Variants in CAMTA1 observed in about 807,000 individuals in gnomAD.
The protein encoded by CAMTA1 is calmodulin binding transcription activator 1, also known as calmodulin-binding transcription activator 1.
In CAMTA1, 27 loss-of-function variants were observed where a neutral mutation model predicts 170.9. That is an observed-to-expected ratio of 0.16 (90% CI 0.12 to 0.22). The LOEUF is 0.22. Among genes scored for constraint, CAMTA1 ranks in the 10% least tolerant of loss-of-function variants. The pLI is 1.00. For missense variants in CAMTA1, 1,619 were observed against 2,217.2 expected (o/e 0.73, Z 5.42); for synonymous variants, 833 against 891.5 (o/e 0.93, Z 1.17).
At chr1:7,766,228 C>T (rs964169332) in intron 22 of CAMTA1, among the ~76,000 whole-genome samples, 3 of 147,862 alleles carry the variant, frequency 2.0e-5, no homozygotes, top group Non-Finnish European at 4.4e-5. Flanking sequence ...TTAGAGCGCT[C>T]GATGTAGAGC....
At chr1:7,444,607 C>T (rs1423379307) in intron 5 of CAMTA1, among the ~76,000 whole-genome samples, 1 of 152,198 alleles carries the variant, frequency 6.6e-6, no homozygotes, top group East Asian at 1.9e-4. Context: ...GGTCTTGGCC[C>T]TGCTGATGAT....
chr1:7,448,086 C>T (rs565895334), intron 5 of CAMTA1, among the ~76,000 whole-genome samples: 102 of 152,336 alleles, frequency 6.7e-4, no homozygotes, highest in East Asian at 1.5e-3. Context: ...TCATTCCAAA[C>T]GCATGTGTTT....
chr1:7,715,472 A>G (rs3011939), intron 11 of CAMTA1, among the ~76,000 whole-genome samples: 147,931 of 150,060 alleles, frequency 0.99, 72,950 homozygotes, highest in East Asian at 1. Context: ...TCTCTCTCTG[A>G]GCCAGACTGG....
chr1:7,263,489 T>C (rs1346928364), intron 5 of CAMTA1, among the ~76,000 whole-genome samples: 3 of 152,186 alleles, frequency 2.0e-5, no homozygotes, highest in Non-Finnish European at 4.4e-5. Flanking sequence ...CATTTTTGGG[T>C]TTTGTTTTTA....
intron 4 of CAMTA1, among the ~76,000 whole-genome samples, chr1:7,218,462 C>T (rs1573970662): frequency 6.6e-6 from 1 of 152,086 alleles, no homozygotes; most frequent in Non-Finnish European, 1.5e-5. Flanking sequence ...TTCTTTATGA[C>T]TGGTTTTTGG....
In CAMTA1 at chr1:7,547,871, T is replaced by C. The variant is rs1322745284; in HGVS notation, c.510+79970T>C. Among the ~76,000 whole-genome samples the C allele has an allele frequency of 2.6e-5, 4 of 152,044 alleles. No homozygotes were observed. Among genetic ancestry groups the C allele is most frequent in the African/African-American group, 9.7e-5 (4 of 41,394 alleles). On this transcript the variant is annotated intron_variant, in intron 6 of 22. Coordinates refer to ENST00000303635, the MANE Select transcript of CAMTA1 (RefSeq NM_015215.4). This position sits in a 1 kb window ranked among gnomAD's most constrained non-coding sequence, Gnocchi z 5.7. Reference sequence around the variant, plus strand: ...ACTCTGACACCCCTTGCAAGGGCACTCCACTGTGTGGACCCCCCACTCACC... The same window carrying C: ...ACTCTGACACCCCTTGCAAGGGCACCCCACTGTGTGGACCCCCCACTCACC...
chr1:6,890,603 A>G (rs556974646), intron 3 of CAMTA1, among the ~76,000 whole-genome samples: 7 of 150,266 alleles, frequency 4.7e-5, no homozygotes, highest in South Asian at 4.2e-4. Context: ...GTCTCACTCT[A>G]TTGCCCAGGC....
chr1:7,526,766 A>G (rs1478863572), intron 6 of CAMTA1, among the ~76,000 whole-genome samples: 2 of 152,210 alleles, frequency 1.3e-5, no homozygotes, highest in African/African-American at 4.8e-5. Flanking sequence ...AGGCCAGGCC[A>G]GGGCCTGCCC....
chr1:7,328,313 C>G (rs376484054), intron 5 of CAMTA1, among the ~76,000 whole-genome samples: 38 of 151,240 alleles, frequency 2.5e-4, no homozygotes, highest in Middle Eastern at 6.8e-3. Context: ...GGAAACATGG[C>G]AAAATGCCTT....
At chr1:7,677,826 A>G (rs1000405125) in intron 11 of CAMTA1, 93 bp downstream of exon 11, 12 of 1,433,412 alleles carry the variant, frequency 8.4e-6, no homozygotes, top group East Asian at 4.7e-5. Context: ...GTAAGCACCC[A>G]GAAAGGGGCA....
At chr1:6,958,729 C>T (rs1036281548) in intron 3 of CAMTA1, among the ~76,000 whole-genome samples, 2 of 152,244 alleles carry the variant, frequency 1.3e-5, no homozygotes, top group Admixed American at 6.5e-5. Flanking sequence ...AGCTGTCACC[C>T]TCCAGGGTGG....
chr1:7,058,647 A>G (rs555406409), intron 3 of CAMTA1, among the ~76,000 whole-genome samples: 1 of 152,270 alleles, frequency 6.6e-6, no homozygotes, highest in African/African-American at 2.4e-5. Context: ...AATCCACTGA[A>G]GGCCGGGCTC....
At chr1:6,912,061 C>A (rs957557325) in intron 3 of CAMTA1, among the ~76,000 whole-genome samples, 5 of 152,194 alleles carry the variant, frequency 3.3e-5, no homozygotes, top group African/African-American at 1.2e-4. Flanking sequence ...TTTGTAGGAT[C>A]CCCGGATTGG....
chr1:7,317,880 C>T (rs1482743263), intron 5 of CAMTA1, among the ~76,000 whole-genome samples: 1 of 152,064 alleles, frequency 6.6e-6, no homozygotes, highest in African/African-American at 2.4e-5. Flanking sequence ...AATTATTGAT[C>T]TTCTCTGTTC....
At chr1:7,442,073 G>A (rs2092556194) in intron 5 of CAMTA1, among the ~76,000 whole-genome samples, 1 of 152,062 alleles carries the variant, frequency 6.6e-6, no homozygotes, top group African/African-American at 2.4e-5. Flanking sequence ...AACCTCCATG[G>A]GGTTTCCATG....
chr1:7,620,809 G>T (rs1217387023), intron 6 of CAMTA1, among the ~76,000 whole-genome samples: 1 of 152,206 alleles, frequency 6.6e-6, no homozygotes, highest in Non-Finnish European at 1.5e-5. Flanking sequence ...AGATCAGCTG[G>T]TTCTTAGCTG....
chr1:7,583,332 G>A (rs763526357), intron 6 of CAMTA1, among the ~76,000 whole-genome samples: 23 of 152,112 alleles, frequency 1.5e-4, no homozygotes, highest in Admixed American at 8.5e-4. Flanking sequence ...CCCCCTACAC[G>A]ATGGGAAGTA....
intron 3 of CAMTA1, among the ~76,000 whole-genome samples, chr1:7,024,528 A>G (rs889653731): frequency 1.3e-5 from 2 of 152,254 alleles, no homozygotes; most frequent in Non-Finnish European, 2.9e-5. Flanking sequence ...TCAGTCTGCA[A>G]TCAGTCTGCA....
chr1:7,255,742 C>A (rs567712888), intron 5 of CAMTA1, among the ~76,000 whole-genome samples: 1 of 152,338 alleles, frequency 6.6e-6, no homozygotes, highest in Non-Finnish European at 1.5e-5. Flanking sequence ...ACAGAATCTA[C>A]CCCACACGAC....
Sources: allele counts gnomAD v4.1 joint callset (sites outside exome capture counted in the v4.1 genomes callset), GRCh38; gene constraint gnomAD v4.1.1; non-coding constraint Gnocchi (gnomAD v3.1); transcripts MANE v1.5; gene names NCBI Gene and HGNC (gene_info 2026-07-23, HGNC 2026-07-21).